The following TRIM9 variants were observed in gnomAD, a reference collection of about 807,000 sequenced individuals.
The protein encoded by TRIM9 is tripartite motif containing 9.
Under a neutral mutation model 78.3 loss-of-function variants are expected in TRIM9, and 26 were observed. The ratio of observed to expected loss-of-function variants is 0.33; its 90% CI spans 0.24 to 0.46. The LOEUF (loss-of-function observed/expected upper bound fraction) is 0.46. Ranked by LOEUF, TRIM9 falls within the 20% of genes least tolerant of loss-of-function variation. TRIM9 has a pLI of 1.00. For synonymous variants in TRIM9, 398 were observed against 416.5 expected (o/e 0.96, Z 0.54); for missense variants, 787 against 1,036.4 (o/e 0.76, Z 3.30).
chr14:50,982,433 A>T (rs2139311554), intron 10 of TRIM9: 3 of 390,824 alleles, frequency 7.7e-6, no homozygotes, highest in Non-Finnish European at 1.4e-5. Context: ...CCAGAGACAT[A>T]AAGGGAGAGG....
chr14:51,011,171 G>T (rs1402590045), intron 3 of TRIM9, among the ~76,000 whole-genome samples: 1 of 152,168 alleles, frequency 6.6e-6, no homozygotes, highest in African/African-American at 2.4e-5. Context: ...AGTTGTAAAG[G>T]CTGCTCATTT....
At chr14:50,997,573 C>A (rs2054386399) in intron 7 of TRIM9, 2 of 1,000,890 alleles carry the variant, frequency 2.0e-6, no homozygotes, top group Admixed American at 5.4e-5. Context: ...CCCCACCACC[C>A]ATTTGAAACA....
intron 1 of TRIM9, among the ~76,000 whole-genome samples, chr14:51,086,709 G>C (rs1467835228): frequency 6.6e-6 from 1 of 152,138 alleles, no homozygotes; most frequent in African/African-American, 2.4e-5. Context: ...GGAGGAGGGT[G>C]AGCTGAACAG....
At chr14:50,987,090 G>A (rs1445666475) in intron 7 of TRIM9, among the ~76,000 whole-genome samples, 1 of 152,168 alleles carries the variant, frequency 6.6e-6, no homozygotes, top group African/African-American at 2.4e-5. Context: ...TTAACATTCA[G>A]TCTAATAGCA....
intron 1 of TRIM9, among the ~76,000 whole-genome samples, chr14:51,074,713 C>T (rs1484151744): frequency 2.6e-5 from 4 of 152,180 alleles, no homozygotes; most frequent in African/African-American, 7.2e-5. Context: ...TGGGCTGTTC[C>T]GCCCAGGATA....
chr14:50,983,966 C>T (rs1213443626), intron 8 of TRIM9, among the ~76,000 whole-genome samples: 1 of 152,116 alleles, frequency 6.6e-6, no homozygotes, highest in Non-Finnish European at 1.5e-5. Context: ...GCCTCCTTTC[C>T]TTCTTAGGAG....
At position 50,997,375 on chromosome 14, in the gene TRIM9, G is replaced by C. The variant is rs984948999; in HGVS notation, c.1603+675C>G. ...TTGTATGGTGGCTCTCGGTAGCCTA[G>C]CCAAGACTGAAGGGACTGGCAAAGA... is the stretch of plus-strand genomic sequence containing the variant. On this transcript the variant is annotated intron_variant, in intron 7 of 12. Coordinates refer to ENST00000684578, the MANE Select transcript of TRIM9 (RefSeq NM_001387360.1). The C allele has an allele frequency of 3.0e-6, 3 of 985,264 alleles. No homozygotes were observed. The African/African-American group carries it at 5.2e-5, about 17-fold the overall frequency. The allele number at this position is 985,264 out of a possible 1,614,324, so 61.0% of individuals were successfully genotyped here. A position where few individuals can be genotyped will look rare whatever the true frequency, so the allele number is the denominator to read the frequency against.
intron 1 of TRIM9, among the ~76,000 whole-genome samples, chr14:51,032,428 G>A (rs2139882664): frequency 1.3e-5 from 2 of 152,328 alleles, no homozygotes; most frequent in Middle Eastern, 6.8e-3. Context: ...AATTGCTCTT[G>A]GCCACAGGGA....
chr14:51,082,490 T>C (rs904811275), intron 1 of TRIM9, among the ~76,000 whole-genome samples: 1 of 152,204 alleles, frequency 6.6e-6, no homozygotes, highest in Non-Finnish European at 1.5e-5. Context: ...AAAAACATTA[T>C]GCGAAGTAAA....
intron 1 of TRIM9, among the ~76,000 whole-genome samples, chr14:51,043,400 G>A (rs2059709947): frequency 6.6e-6 from 1 of 152,202 alleles, no homozygotes; most frequent in Non-Finnish European, 1.5e-5. Flanking sequence ...AAGGTCAAGA[G>A]ATACACAGAG....
chr14:51,092,774 G>A (rs948404970), intron 1 of TRIM9, among the ~76,000 whole-genome samples: 3 of 152,186 alleles, frequency 2.0e-5, no homozygotes, highest in Non-Finnish European at 4.4e-5. Context: ...ATGTCTGTGT[G>A]TGTACAGGGA....
chr14:51,029,785 G>C (rs2058572784), intron 1 of TRIM9, among the ~76,000 whole-genome samples: 1 of 152,102 alleles, frequency 6.6e-6, no homozygotes, highest in Non-Finnish European at 1.5e-5. Context: ...CCTGAGTGAA[G>C]GTTTCACCAC....
intron 3 of TRIM9, among the ~76,000 whole-genome samples, chr14:51,012,933 C>T (rs534773547): frequency 8.4e-4 from 128 of 152,246 alleles, no homozygotes; most frequent in Non-Finnish European, 1.4e-3. Flanking sequence ...TTTATATATT[C>T]TGGATATCAG....
rs1051617609 is a variant in TRIM9, at chr14:51,084,965, C to A, written c.822+9153G>T. On this transcript the variant is annotated intron_variant, in intron 1 of 12. Transcript: ENST00000684578. ...AAAATCACAAAGCCTGTTATAAAGA[C>A]CTGCTCTAGACAGAAAGTGTTTAAT... Among the ~76,000 whole-genome samples, 2 of 152,168 alleles carry A rather than the reference C, an allele frequency of 1.3e-5. 1 individual carries two copies. The highest frequency in any genetic ancestry group is 4.1e-4 in the South Asian group (2 of 4,830).
At chr14:51,003,176 T>C (rs2055312009) in intron 5 of TRIM9, among the ~76,000 whole-genome samples, 1 of 152,216 alleles carries the variant, frequency 6.6e-6, no homozygotes, top group African/African-American at 2.4e-5. Context: ...GGACTTTCCT[T>C]TTTATTTTAA....
At chr14:51,040,807 G>T (rs945527052) in intron 1 of TRIM9, among the ~76,000 whole-genome samples, 3 of 152,104 alleles carry the variant, frequency 2.0e-5, no homozygotes, top group African/African-American at 7.2e-5. Flanking sequence ...CATTTACAAA[G>T]CCTGAATTTA....
intron 1 of TRIM9, among the ~76,000 whole-genome samples, chr14:51,052,433 G>A (rs188695531): frequency 4.9e-4 from 75 of 152,252 alleles, no homozygotes; most frequent in Middle Eastern, 3.4e-3. Context: ...AATTAAATTT[G>A]ATTATCAACA....
At chr14:50,992,010 G>C (rs10483608) in intron 7 of TRIM9, among the ~76,000 whole-genome samples, 50,659 of 152,114 alleles carry the variant, frequency 0.33, 8,960 homozygotes, top group Middle Eastern at 0.4. Context: ...TGGGGACCAA[G>C]GTTTGTGTAG....
intron 3 of TRIM9, among the ~76,000 whole-genome samples, chr14:51,014,187 A>G (rs551701411): frequency 6.6e-6 from 1 of 152,358 alleles, no homozygotes; most frequent in East Asian, 1.9e-4. Context: ...CTCAGTCCTC[A>G]TAAAATTCCA....
Sources: gnomAD v4.1 joint callset for allele counts (sites outside exome capture counted in the v4.1 genomes callset) on GRCh38, gnomAD v4.1.1 for gene constraint, MANE v1.5 for transcripts, NCBI Gene and HGNC (gene_info 2026-07-23, HGNC 2026-07-21) for gene names.